ASPH: variants seen among roughly 807,000 people sequenced by gnomAD.
ASPH encodes the protein aspartyl/asparaginyl beta-hydroxylase.
In ASPH, 100 loss-of-function variants were observed where a neutral mutation model predicts 118.4. The observed-to-expected ratio is 0.84, with a 90% CI of 0.72 to 1.00. The LOEUF is 1.00. ASPH is among the 50% of genes least tolerant of loss of function. The pLI, the probability that ASPH is intolerant of heterozygous loss-of-function variation, is 0.00. For synonymous variants in ASPH, 315 were observed against 325.6 expected (o/e 0.97, Z 0.35); for missense variants, 920 against 919.5 (o/e 1.00, Z -0.01).
At chr8:61,631,758 G>C (rs935309487) in intron 13 of ASPH, 1 of 152,234 alleles carries the variant, frequency 6.6e-6, no homozygotes, top group African/African-American at 2.4e-5. Context: ...TTCTCCATGA[G>C]GTCTTTCAGA....
intron 20 of ASPH, among the ~76,000 whole-genome samples, chr8:61,550,337 G>A (rs1051842916): frequency 1.3e-5 from 2 of 152,128 alleles, no homozygotes; most frequent in Non-Finnish European, 2.9e-5. Context: ...CACAGGGGCA[G>A]TAAGAGCCCC....
intron 14 of ASPH, among the ~76,000 whole-genome samples, chr8:61,609,522 G>C (rs1286203270): frequency 6.6e-6 from 1 of 152,150 alleles, no homozygotes; most frequent in East Asian, 1.9e-4. Flanking sequence ...GCAGCAAAGA[G>C]GAAAGGCATG....
chr8:61,676,822 C>T (rs187431774), intron 3 of ASPH, among the ~76,000 whole-genome samples: 16 of 152,162 alleles, frequency 1.1e-4, no homozygotes, highest in South Asian at 2.1e-4. Context: ...CCCCTCCCCC[C>T]ACCACCACCC....
At chr8:61,550,481 G>GAA (rs1034269892) in intron 20 of ASPH, among the ~76,000 whole-genome samples, 33 of 137,276 alleles carry the variant, frequency 2.4e-4, no homozygotes, top group Admixed American at 1.6e-3. Flanking sequence ...AAGAGAAAGA[G>GAA]AGAGAGAGAG....
chr8:61,592,096 C>G (rs528272501), intron 14 of ASPH, among the ~76,000 whole-genome samples: 1 of 152,244 alleles, frequency 6.6e-6, no homozygotes, highest in South Asian at 2.1e-4. Context: ...GCTTCAGTTC[C>G]GCTACTTCTG....
chr8:61,578,657 C>T (rs1836214240), intron 15 of ASPH: 8 of 1,595,452 alleles, frequency 5.0e-6, no homozygotes, highest in African/African-American at 1.3e-5. Context: ...ACATCAACAA[C>T]CTTAGGCGGC....
At position 61,682,666 on chromosome 8, in the gene ASPH, A is replaced by C. The variant is rs190030757; in HGVS notation, c.253+1373T>G. On this transcript the variant is annotated intron_variant, in intron 2 of 24. Transcript: ENST00000379454. ...TCAGTTGGTCTGTCAATCTATCCAG[A>C]GACACTTTCTTTAAAGTAATGAAAA... 3.8e-3 allele frequency among the ~76,000 whole-genome samples: 580 copies of C among 152,278 alleles called. 1 individual carries two copies. The highest frequency in any genetic ancestry group is 0.013 in the African/African-American group (536 of 41,572).
At chr8:61,626,319 C>T in intron 13 of ASPH, 1 of 1,488,836 alleles carries the variant, frequency 6.7e-7, no homozygotes, top group South Asian at 1.4e-5. Context: ...AAGGACCAAC[C>T]AGACACAGAC....
intron 14 of ASPH, among the ~76,000 whole-genome samples, chr8:61,599,408 A>G (rs1401119551): frequency 6.6e-6 from 1 of 151,940 alleles, no homozygotes; most frequent in African/African-American, 2.4e-5. Flanking sequence ...AACACGGCAC[A>G]TGTATACATA....
chr8:61,564,296 T>TC, intron 17 of ASPH, among the ~76,000 whole-genome samples: 1 of 150,376 alleles, frequency 6.6e-6, no homozygotes. Flanking sequence ...TAATGCTGAT[T>TC]CTTTTTTTTT....
intron 3 of ASPH, chr8:61,660,025 G>A (rs1815950925): frequency 6.6e-6 from 1 of 150,828 alleles, no homozygotes; most frequent in East Asian, 1.9e-4. Flanking sequence ...TAGATTCAAG[G>A]AGCACGTGCA....
chr8:61,675,948 T>C, intron 3 of ASPH: 1 of 1,507,844 alleles, frequency 6.6e-7, no homozygotes, highest in Non-Finnish European at 8.8e-7. Context: ...GATCACATGG[T>C]TGACTTGCAC....
intron 3 of ASPH, among the ~76,000 whole-genome samples, chr8:61,673,642 AGG>A (rs1823738028): frequency 6.6e-6 from 1 of 152,210 alleles, no homozygotes; most frequent in Admixed American, 6.5e-5. Context: ...AAAAGACATG[AGG>A]TAGGAAAAGA....
At chr8:61,553,166 G>A in intron 19 of ASPH, 46 bp from the exon 20 acceptor site, 4 of 1,409,546 alleles carry the variant, frequency 2.8e-6, no homozygotes, top group Non-Finnish European at 4.0e-6. Context: ...TTAAATACCA[G>A]ATTCCATTAA....
At chr8:61,614,337 G>C (rs1200673983) in intron 14 of ASPH, among the ~76,000 whole-genome samples, 1 of 152,004 alleles carries the variant, frequency 6.6e-6, no homozygotes, top group East Asian at 1.9e-4. Context: ...ATACACACAA[G>C]AAAAAACACA....
At chr8:61,627,451 G>A (rs1383937554) in intron 13 of ASPH, among the ~76,000 whole-genome samples, 1 of 152,152 alleles carries the variant, frequency 6.6e-6, no homozygotes, top group Non-Finnish European at 1.5e-5. Flanking sequence ...GGAAGAGGGA[G>A]ACATTTCTGG....
At chr8:61,578,118 C>T (rs909628994) in intron 15 of ASPH, 76 of 1,247,914 alleles carry the variant, frequency 6.1e-5, no homozygotes, top group Middle Eastern at 2.3e-4. Context: ...TGGATAAATG[C>T]TCCCATTCAA....
chr8:61,697,365 A>G (rs1347217826), intron 1 of ASPH, among the ~76,000 whole-genome samples: 2 of 152,182 alleles, frequency 1.3e-5, no homozygotes, highest in South Asian at 2.1e-4. Flanking sequence ...ATTTCTCCTC[A>G]CCAGCAAGTA....
chr8:61,506,532 C>T (rs574142102), intron 24 of ASPH, among the ~76,000 whole-genome samples: 41 of 152,144 alleles, frequency 2.7e-4, no homozygotes, highest in African/African-American at 9.9e-4. Flanking sequence ...CAAAGGAGAG[C>T]ATGTGGTAGA....
Sources: allele counts gnomAD v4.1 joint callset (sites outside exome capture counted in the v4.1 genomes callset), GRCh38; gene constraint gnomAD v4.1.1; transcripts MANE v1.5; gene names NCBI Gene and HGNC (gene_info 2026-07-23, HGNC 2026-07-21).